DNAH8: variants seen among roughly 807,000 people sequenced by gnomAD.
DNAH8 encodes dynein axonemal heavy chain 8.
DNAH8 carries 382 observed loss-of-function variants against 562.1 expected under a neutral mutation model. The ratio of observed to expected loss-of-function variants is 0.68; its 90% CI spans 0.63 to 0.74. DNAH8 has a LOEUF of 0.74. Among genes scored for constraint, DNAH8 ranks in the 30% least tolerant of loss-of-function variants. DNAH8 has a pLI of 0.00. For missense variants in DNAH8, 5,203 were observed against 5,620.4 expected (o/e 0.93, Z 2.37); for synonymous variants, 1,881 against 1,919.4 (o/e 0.98, Z 0.52).
chr6:38,921,609 G>T, intron 71 of DNAH8, 103 bp downstream of exon 71: 1 of 1,298,840 alleles, frequency 7.7e-7, no homozygotes, highest in East Asian at 2.6e-5. Flanking sequence ...AAAAAATATT[G>T]GCCAGCATGC....
intron 71 of DNAH8, 35 bp downstream of exon 71, chr6:38,921,541 T>A (rs1781707520): frequency 2.5e-6 from 4 of 1,595,796 alleles, no homozygotes; most frequent in Non-Finnish European, 3.4e-6. Context: ...CAAAATGGTG[T>A]ACTGAAACTT....
At chr6:38,854,655 C>T (rs1236526552) in intron 41 of DNAH8, among the ~76,000 whole-genome samples, 1 of 151,946 alleles carries the variant, frequency 6.6e-6, no homozygotes, top group African/African-American at 2.4e-5. Context: ...GAAACTAAAT[C>T]CACGTATTTT....
intron 85 of DNAH8, among the ~76,000 whole-genome samples, chr6:38,980,006 A>G (rs1763921719): frequency 6.6e-6 from 1 of 152,208 alleles, no homozygotes; most frequent in East Asian, 1.9e-4. Context: ...GGTTAGCTGT[A>G]TGAATTTTCA....
At chr6:38,979,408 T>C (rs948168111) in intron 85 of DNAH8, among the ~76,000 whole-genome samples, 4 of 152,224 alleles carry the variant, frequency 2.6e-5, no homozygotes, top group Admixed American at 6.5e-5. Context: ...AGAAATTCAA[T>C]ATTCCAAATA....
At chr6:39,022,477 A>G (rs1366444258) in intron 91 of DNAH8, among the ~76,000 whole-genome samples, 3 of 152,094 alleles carry the variant, frequency 2.0e-5, no homozygotes, top group East Asian at 1.9e-4. Context: ...AGCCCACTCA[A>G]TCAGGGTGCT....
At chr6:38,899,348 A>G (rs1294408096) in intron 61 of DNAH8, among the ~76,000 whole-genome samples, 1 of 152,268 alleles carries the variant, frequency 6.6e-6, no homozygotes. Flanking sequence ...GTTAGTGTTC[A>G]TTGTTGAGTT....
intron 63 of DNAH8, 66 bp from the exon 64 acceptor site, chr6:38,907,890 T>G (rs1180910651): frequency 1.2e-5 from 16 of 1,306,634 alleles, no homozygotes; most frequent in Non-Finnish European, 1.6e-5. Flanking sequence ...GGGACTGGAC[T>G]TTGGCAGTGA....
intron 64 of DNAH8, among the ~76,000 whole-genome samples, chr6:38,908,456 A>G (rs1238779994): frequency 3.3e-5 from 5 of 152,198 alleles, no homozygotes; most frequent in Non-Finnish European, 7.3e-5. Flanking sequence ...TCTCTGATGT[A>G]GGTTTGAAAA....
intron 62 of DNAH8, among the ~76,000 whole-genome samples, chr6:38,901,993 A>T (rs1489190681): frequency 6.6e-6 from 1 of 152,278 alleles, no homozygotes; most frequent in African/African-American, 2.4e-5. Flanking sequence ...TGGATGGGAC[A>T]TGCAATCCTC....
intron 30 of DNAH8, 43 bp downstream of exon 30, chr6:38,828,331 T>G: frequency 8.2e-7 from 1 of 1,218,688 alleles, no homozygotes; most frequent in Non-Finnish European, 1.2e-6. Context: ...TAAGTCACTA[T>G]CTCCAGAAAA....
At position 38,803,273 on chromosome 6, in the gene DNAH8, A is replaced by G; in HGVS notation, c.2996A>G (p.Tyr999Cys). 6.2e-7 allele frequency: 1 copy of G among 1,607,794 alleles called. No individual in the cohort carries two copies. The highest frequency in any genetic ancestry group is 8.5e-7 in the Non-Finnish European group (1 of 1,176,348). The change falls in exon 22 of 93, where the codon TAT becomes TGT. Residue 999 changes from tyrosine (Y) to cysteine (C), a missense_variant. Tyr to Cys is a radical substitution (Grantham distance 194, BLOSUM62 -2). Transcript: ENST00000327475. Reference sequence around the variant, plus strand: ...CTTATATCAATATTTGAGCAGATTTATGAAGTGAAATACACTGGGAAAGTA... The same window carrying G: ...CTTATATCAATATTTGAGCAGATTTGTGAAGTGAAATACACTGGGAAAGTA... Reference protein sequence around the residue: ...RELISIFEQIYEVKYTGKVGK... With the variant: ...RELISIFEQICEVKYTGKVGK...
chr6:38,766,540 G>A (rs1767019262), intron 11 of DNAH8, among the ~76,000 whole-genome samples: 2 of 152,154 alleles, frequency 1.3e-5, no homozygotes, highest in Admixed American at 6.5e-5. Context: ...AGGCTGGAGT[G>A]CATTGGTGCC....
intron 11 of DNAH8, among the ~76,000 whole-genome samples, chr6:38,767,220 T>G (rs531259862): frequency 6.6e-6 from 1 of 152,300 alleles, no homozygotes; most frequent in African/African-American, 2.4e-5. Flanking sequence ...GCAGATCACC[T>G]GAGGTTAGGA....
At position 38,870,406 on chromosome 6, in the gene DNAH8, T is replaced by C; in HGVS notation, c.6834T>C (p.Asp2278=). The part of the protein sequence containing the change: ...LRDMNLSKLV[D]EDEPLFLSLI... ...TTTAAACTATGCCACCTTAGGTTGA[T>C]GAAGATGAACCCCTGTTCCTCAGCT... The change falls in exon 49 of 93, where the codon GAT becomes GAC. Residue 2278 remains aspartate, a synonymous_variant. Transcript: ENST00000327475. The C allele has an allele frequency of 1.2e-6, 2 of 1,612,410 alleles. No individual in the cohort carries two copies. The highest frequency in any genetic ancestry group is 1.7e-6 in the Non-Finnish European group (2 of 1,179,278).
Position 38,783,153 on chromosome 6 carries a change from T to C in DNAH8, c.2395+14T>C, listed in dbSNP as rs1469770044. On this transcript the variant is annotated intron_variant, in intron 17 of 92. Coordinates refer to ENST00000327475, the MANE Select transcript of DNAH8 (RefSeq NM_001206927.2). ...AGTTGCATTACGGTGTGTATAACAC[T>C]GCCATGAGCCTACAAAGTAGGGATT... is the stretch of plus-strand genomic sequence containing the variant. The C allele has an allele frequency of 6.2e-7, 1 of 1,610,208 alleles. No homozygotes were observed. Among genetic ancestry groups the C allele is most frequent in the African/African-American group, 1.3e-5 (1 of 74,866 alleles).
intron 91 of DNAH8, among the ~76,000 whole-genome samples, chr6:39,020,686 T>C (rs546978695): frequency 6.6e-6 from 1 of 152,268 alleles, no homozygotes; most frequent in East Asian, 1.9e-4. Context: ...CCCCCACCAA[T>C]AGGCCTCAGT....
rs990219218 is a variant in DNAH8 at position 38,756,029 on chromosome 6, G to A, written c.1465G>A (p.Val489Met). ...TAATGCCATCAGAATGATTCACGGT[G>A]TGTCAAGGTATTATAATACCTCAGA... ...LINAIRMIHGVSRYYNTSERM... is the reference protein window; with the variant it reads ...LINAIRMIHGMSRYYNTSERM... Residue 489 changes from valine to methionine, a missense_variant, in exon 10 of 93, where the codon GTG becomes ATG. By Grantham distance (21) the Val-to-Met change is conservative (BLOSUM62 1). Around this residue, in one of 6 missense-constraint regions of DNAH8, gnomAD observed 2,176 missense variants for 2,365.1 expected, o/e 0.92. Transcript: ENST00000327475. 1 of 1,611,146 alleles carries A rather than the reference G, an allele frequency of 6.2e-7. No homozygotes were observed. Among genetic ancestry groups the A allele is most frequent in the Non-Finnish European group, 8.5e-7 (1 of 1,177,742 alleles).
chr6:38,938,986 A>ATG lies in DNAH8; in HGVS notation c.12005_12006insTG (p.Lys4002AsnfsTer9). 1 of 1,612,516 alleles carries ATG rather than the reference A, an allele frequency of 6.2e-7. No individual in the cohort carries two copies. Among genetic ancestry groups the ATG allele is most frequent in the Non-Finnish European group, 8.5e-7 (1 of 1,179,132 alleles). On this transcript the variant is annotated frameshift_variant and splice_region_variant, in exon 79 of 93. Transcript: ENST00000327475. LOFTEE classifies it high-confidence loss of function. ...CACAGAGAGTTTCAAGCTCTCATTAAAGGTAAAGTGTGTGGGATACAGATG... is the reference window on the plus strand; with the variant it reads ...CACAGAGAGTTTCAAGCTCTCATTAATGAGGTAAAGTGTGTGGGATACAGATG...
Position 38,814,114 on chromosome 6 carries a change from T to TG in DNAH8, c.3319dup (p.Ala1107GlyfsTer4). Reference sequence around the variant, plus strand: ...CCTTTATAAAAAGTGAAGTACATCTTGCAATTCCTAATGTGGTAAGTATTA... The same window carrying TG: ...CCTTTATAAAAAGTGAAGTACATCTTGGCAATTCCTAATGTGGTAAGTATTA... On this transcript the variant is annotated frameshift_variant, in exon 25 of 93. Coordinates refer to ENST00000327475, the MANE Select transcript of DNAH8 (RefSeq NM_001206927.2). LOFTEE classifies it high-confidence loss of function. 6.4e-7 allele frequency: 1 copy of TG among 1,551,156 alleles called. No individual in the cohort carries two copies. Among genetic ancestry groups the TG allele is most frequent in the Non-Finnish European group, 8.9e-7 (1 of 1,124,636 alleles).
Sources: gnomAD v4.1 joint callset for allele counts (sites outside exome capture counted in the v4.1 genomes callset) on GRCh38, gnomAD v4.1.1 for gene constraint, gnomAD v4.1.1 regional missense constraint, MANE v1.5 for transcripts, NCBI Gene and HGNC (gene_info 2026-07-23, HGNC 2026-07-21) for gene names.